The following EXOC4 variants were observed in gnomAD, a reference collection of about 807,000 sequenced individuals.
EXOC4 encodes SEC8-like 1.
In EXOC4, 71 loss-of-function variants were observed where a neutral mutation model predicts 107.2. The ratio of observed to expected loss-of-function variants is 0.66; its 90% CI spans 0.55 to 0.81. The LOEUF (loss-of-function observed/expected upper bound fraction) is 0.81. EXOC4 is among the 30% of genes least tolerant of loss of function. The probability of loss-of-function intolerance (pLI) is 0.00; values close to 1 mark genes in which losing one functional copy is unlikely to be tolerated. For missense variants in EXOC4, 1,108 were observed against 1,189.6 expected (o/e 0.93, Z 1.01); for synonymous variants, 456 against 441.2 (o/e 1.03, Z -0.42).
intron 9 of EXOC4, among the ~76,000 whole-genome samples, chr7:133,619,228 G>C (rs1739217335): frequency 6.6e-6 from 1 of 152,266 alleles, no homozygotes; most frequent in South Asian, 2.1e-4. Context: ...TTTTGACTCT[G>C]ATTTTGTATT....
chr7:133,698,809 G>A (rs1488223075), intron 10 of EXOC4, among the ~76,000 whole-genome samples: 2 of 151,978 alleles, frequency 1.3e-5, no homozygotes, highest in African/African-American at 2.4e-5. Flanking sequence ...GCATGTTAAG[G>A]TTTAGCAGTT....
intron 14 of EXOC4, among the ~76,000 whole-genome samples, chr7:133,988,807 AAAAAG>A (rs1202909379): frequency 6.6e-6 from 1 of 152,194 alleles, no homozygotes; most frequent in Admixed American, 6.5e-5. Flanking sequence ...GCTGAAGAGA[AAAAAG>A]AAAGTGGTAA....
At chr7:133,810,469 A>T (rs73724757) in intron 10 of EXOC4, among the ~76,000 whole-genome samples, 1 of 152,172 alleles carries the variant, frequency 6.6e-6, no homozygotes, top group Admixed American at 6.5e-5. Flanking sequence ...GCAAGAAAGT[A>T]AATTCAACAA....
chr7:133,312,926 T>C (rs563920985), intron 4 of EXOC4, among the ~76,000 whole-genome samples: 5 of 152,290 alleles, frequency 3.3e-5, no homozygotes, highest in African/African-American at 1.2e-4. Flanking sequence ...CTTTTATTTA[T>C]TGCATGATCC....
At chr7:133,342,499 C>T (rs1795685348) in intron 5 of EXOC4, among the ~76,000 whole-genome samples, 1 of 152,084 alleles carries the variant, frequency 6.6e-6, no homozygotes, top group Non-Finnish European at 1.5e-5. Context: ...ACTATATGCC[C>T]AAGCGGTGAT....
intron 7 of EXOC4, among the ~76,000 whole-genome samples, chr7:133,444,666 TG>T (rs770750658): frequency 3.5e-4 from 54 of 152,272 alleles, no homozygotes; most frequent in Non-Finnish European, 6.9e-4. Context: ...AGATGGCATT[TG>T]GGTTGAGTCC....
chr7:133,373,116 T>G (rs967599633), intron 6 of EXOC4, among the ~76,000 whole-genome samples: 1 of 152,178 alleles, frequency 6.6e-6, no homozygotes, highest in Non-Finnish European at 1.5e-5. Context: ...ATTTACTGAT[T>G]AAGTTACTGA....
At chr7:133,943,562 C>A (rs1419866618) in intron 14 of EXOC4, among the ~76,000 whole-genome samples, 2 of 152,084 alleles carry the variant, frequency 1.3e-5, no homozygotes, top group Non-Finnish European at 2.9e-5. Flanking sequence ...TCTCACGGGG[C>A]TTTTTATCCA....
intron 1 of EXOC4, among the ~76,000 whole-genome samples, chr7:133,271,003 C>T (rs2150519456): frequency 6.6e-6 from 1 of 151,454 alleles, no homozygotes; most frequent in South Asian, 2.1e-4. Context: ...ACTGCAACCT[C>T]CGCCTCCTGG....
chr7:134,033,263 A>G (rs201792195), intron 17 of EXOC4, among the ~76,000 whole-genome samples: 1 of 152,186 alleles, frequency 6.6e-6, no homozygotes, highest in Non-Finnish European at 1.5e-5. Context: ...TATATATCCT[A>G]CAGGACTATT....
rs77173304 is a variant in EXOC4 at position 133,692,248 on chromosome 7, A to C, written c.1514+62107A>C. ...TCTAGAGTCCAGCTATGAGCAGTAG[A>C]ATTTCCTGGCATACTCTCCAAATGT... On this transcript the variant is annotated intron_variant, in intron 10 of 17. Coordinates refer to ENST00000253861, the MANE Select transcript of EXOC4 (RefSeq NM_021807.4). Among the ~76,000 whole-genome samples, 13 of 152,316 alleles carry C rather than the reference A, an allele frequency of 8.5e-5. No individual in the cohort carries two copies. In the East Asian group the frequency reaches 2.3e-3, roughly 27 times the overall value.
At chr7:133,578,117 A>T (rs1801173142) in intron 9 of EXOC4, among the ~76,000 whole-genome samples, 1 of 152,122 alleles carries the variant, frequency 6.6e-6, no homozygotes, top group South Asian at 2.1e-4. Context: ...AATTTGTTGA[A>T]ATTGTTGTAT....
intron 1 of EXOC4, among the ~76,000 whole-genome samples, chr7:133,264,517 A>G (rs187564178): frequency 6.6e-6 from 1 of 152,324 alleles, no homozygotes. Context: ...TAATTAAGAA[A>G]TAAGCAATCA....
At chr7:133,393,875 T>C (rs1234127515) in intron 7 of EXOC4, among the ~76,000 whole-genome samples, 1 of 152,216 alleles carries the variant, frequency 6.6e-6, no homozygotes, top group East Asian at 1.9e-4. Flanking sequence ...GCTTTGTAAA[T>C]GTGTTGAACT....
At chr7:133,889,485 A>C (rs1799160636) in intron 11 of EXOC4, among the ~76,000 whole-genome samples, 1 of 146,994 alleles carries the variant, frequency 6.8e-6, no homozygotes, top group African/African-American at 2.5e-5. Context: ...GGTTAGTTAC[A>C]TATGTATACA....
intron 9 of EXOC4, among the ~76,000 whole-genome samples, chr7:133,568,651 T>A (rs368235211): frequency 4.8e-4 from 73 of 152,212 alleles, no homozygotes; most frequent in Middle Eastern, 3.4e-3. Flanking sequence ...GTGTCCCTCA[T>A]AGAGCATATT....
chr7:133,311,653 G>C (rs1794874157), intron 4 of EXOC4, among the ~76,000 whole-genome samples: 1 of 151,996 alleles, frequency 6.6e-6, no homozygotes, highest in Non-Finnish European at 1.5e-5. Flanking sequence ...TATATTAAAT[G>C]GTTTAACCAT....
intron 9 of EXOC4, among the ~76,000 whole-genome samples, chr7:133,553,417 G>C (rs562125382): frequency 6.6e-6 from 1 of 152,088 alleles, no homozygotes; most frequent in African/African-American, 2.4e-5. Flanking sequence ...GCTTTTTGCT[G>C]TACCACCTGT....
chr7:133,504,262 T>G (rs1799628046), intron 9 of EXOC4, among the ~76,000 whole-genome samples: 1 of 151,994 alleles, frequency 6.6e-6, no homozygotes, highest in African/African-American at 2.4e-5. Flanking sequence ...ATTGAGAAAA[T>G]TAATCAAGAG....
Sources: gnomAD v4.1 joint callset for allele counts (sites outside exome capture counted in the v4.1 genomes callset) on GRCh38, gnomAD v4.1.1 for gene constraint, MANE v1.5 for transcripts, NCBI Gene and HGNC (gene_info 2026-07-23, HGNC 2026-07-21) for gene names.